The following SLC35F3 variants were observed in gnomAD, a reference collection of about 807,000 sequenced individuals.
The protein encoded by SLC35F3 is putative thiamine transporter SLC35F3.
Under a neutral mutation model 49.9 loss-of-function variants are expected in SLC35F3, and 25 were observed. The ratio of observed to expected loss-of-function variants is 0.50; its 90% CI spans 0.37 to 0.70. The LOEUF (loss-of-function observed/expected upper bound fraction) is 0.70. Ranked by LOEUF, SLC35F3 falls within the 30% of genes least tolerant of loss-of-function variation. The pLI is 0.00. For synonymous variants in SLC35F3, 275 were observed against 265.4 expected, an observed-to-expected ratio of 1.04 and a Z score of -0.35; for missense variants, 525 against 639.8, an observed-to-expected ratio of 0.82 and a Z score of 1.94.
At chr1:234,054,810 C>T (rs1280094139) in intron 2 of SLC35F3, among the ~76,000 whole-genome samples, 1 of 152,164 alleles carries the variant, frequency 6.6e-6, no homozygotes, top group Non-Finnish European at 1.5e-5. Context: ...TGGTGACGTA[C>T]AGATGGGGTT....
chr1:233,930,334 C>T (rs1441746575), intron 2 of SLC35F3, among the ~76,000 whole-genome samples: 1 of 152,162 alleles, frequency 6.6e-6, no homozygotes, highest in African/African-American at 2.4e-5. Context: ...GCCATTGCAA[C>T]ATGAGCTCCC....
intron 3 of SLC35F3, among the ~76,000 whole-genome samples, chr1:234,270,138 TCTCA>T (rs1280105685): frequency 2.0e-5 from 3 of 152,214 alleles, no homozygotes; most frequent in South Asian, 2.1e-4. Context: ...GATTAAAAAT[TCTCA>T]CTAATACATG....
At chr1:234,191,373 G>A (rs1190655227) in intron 2 of SLC35F3, among the ~76,000 whole-genome samples, 1 of 152,036 alleles carries the variant, frequency 6.6e-6, no homozygotes, top group African/African-American at 2.4e-5. Context: ...AAATCAACAT[G>A]AAAATTTAAA....
chr1:234,062,121 A>T (rs1267262898), intron 2 of SLC35F3, among the ~76,000 whole-genome samples: 1 of 152,148 alleles, frequency 6.6e-6, no homozygotes, highest in African/African-American at 2.4e-5. Flanking sequence ...ACTTCTCCCC[A>T]TCCCTAGGAC....
In SLC35F3 at chr1:234,221,178, C is replaced by T. The variant is rs138193034; in HGVS notation, c.284-10239C>T. Among the ~76,000 whole-genome samples the T allele has an allele frequency of 6.4e-4, 98 of 152,064 alleles. 1 individual carries two copies. Among genetic ancestry groups the T allele is most frequent in the Non-Finnish European group, 1.3e-3 (87 of 67,984 alleles). On this transcript the variant is annotated intron_variant, in intron 2 of 7. Transcript: ENST00000366618. Reference sequence around the variant, plus strand: ...ACAGTTTTAAGCGGGTGCTGGTCTGCCAGCCAGATTGCAAGGGTGGGTGGG... The same window carrying T: ...ACAGTTTTAAGCGGGTGCTGGTCTGTCAGCCAGATTGCAAGGGTGGGTGGG...
At chr1:233,942,183 G>A (rs945733472) in intron 2 of SLC35F3, among the ~76,000 whole-genome samples, 13 of 151,710 alleles carry the variant, frequency 8.6e-5, no homozygotes, top group Non-Finnish European at 1.3e-4. Context: ...GGCTGGTCTC[G>A]AACTCCTGAC....
At position 233,905,009 on chromosome 1, in the gene SLC35F3, C is replaced by T. The variant is rs1028540658; in HGVS notation, c.-69C>T. 294 of 1,504,614 alleles carry T rather than the reference C, an allele frequency of 2.0e-4. No homozygotes were observed. Among genetic ancestry groups the T allele is most frequent in the Non-Finnish European group, 2.3e-4 (260 of 1,109,002 alleles). The allele number at this position is 1,504,614 out of a possible 1,614,324, so 93.2% of individuals were successfully genotyped here. On this transcript the variant is annotated 5_prime_UTR_variant, in exon 1 of 8. Transcript: ENST00000366618. ...TCCAGTCTTCCCAGGCTAGCGGCTG[C>T]AGGGAGCTCCGGCCCGCGGCCCCTC...
At chr1:233,931,847 T>C (rs1176956505) in intron 2 of SLC35F3, among the ~76,000 whole-genome samples, 1 of 152,210 alleles carries the variant, frequency 6.6e-6, no homozygotes, top group Non-Finnish European at 1.5e-5. Context: ...TGTACACGTA[T>C]GTTTATTGCA....
chr1:234,228,723 T>A (rs562884597), intron 2 of SLC35F3, among the ~76,000 whole-genome samples: 1 of 152,192 alleles, frequency 6.6e-6, no homozygotes, highest in Non-Finnish European at 1.5e-5. Flanking sequence ...ACGGTTCTGC[T>A]GAGAGGGGTG....
intron 2 of SLC35F3, among the ~76,000 whole-genome samples, chr1:234,007,003 T>C (rs1260232742): frequency 6.6e-6 from 1 of 152,150 alleles, no homozygotes; most frequent in Non-Finnish European, 1.5e-5. Context: ...TTTTTTGTTC[T>C]TTGTCACAAC....
intron 2 of SLC35F3, among the ~76,000 whole-genome samples, chr1:234,000,616 G>A (rs1663536482): frequency 6.6e-6 from 1 of 152,182 alleles, no homozygotes; most frequent in African/African-American, 2.4e-5. Flanking sequence ...ATTGTTGAGT[G>A]CCCCTCTGTG....
chr1:234,147,451 A>C (rs73108413), intron 2 of SLC35F3, among the ~76,000 whole-genome samples: 13,614 of 151,944 alleles, frequency 0.09, 1,987 homozygotes, highest in African/African-American at 0.31. Flanking sequence ...TTTTAAGTAG[A>C]GTTATACTTA....
chr1:234,098,986 G>A (rs1665174172), intron 2 of SLC35F3, among the ~76,000 whole-genome samples: 1 of 152,032 alleles, frequency 6.6e-6, no homozygotes, highest in East Asian at 1.9e-4. Flanking sequence ...CTGTGTTGCT[G>A]GTGGTGATAG....
At chr1:234,247,830 G>GGTGCATTGTTTGATGGGTCAGTTGGCTA (rs1667662940) in intron 3 of SLC35F3, among the ~76,000 whole-genome samples, 1 of 152,040 alleles carries the variant, frequency 6.6e-6, no homozygotes, top group Non-Finnish European at 1.5e-5. Context: ...TCAGTTGGCT[G>GGTGCATTGTTTGATGGGTCAGTTGGCTA]GTGCATTGTT....
At chr1:234,211,989 C>G (rs975244447) in intron 2 of SLC35F3, among the ~76,000 whole-genome samples, 2 of 152,134 alleles carry the variant, frequency 1.3e-5, no homozygotes, top group Non-Finnish European at 2.9e-5. Context: ...TCCCATGCTG[C>G]TCTCATGATA....
At chr1:234,090,635 C>T (rs1041234209) in intron 2 of SLC35F3, among the ~76,000 whole-genome samples, 1 of 152,156 alleles carries the variant, frequency 6.6e-6, no homozygotes, top group Non-Finnish European at 1.5e-5. Flanking sequence ...TCTTAAGACC[C>T]ATGGTCAGAA....
In SLC35F3 at chr1:234,214,612, C is replaced by A; in HGVS notation, c.284-16805C>A. On this transcript the variant is annotated intron_variant, in intron 2 of 7. Coordinates refer to ENST00000366618, the MANE Select transcript of SLC35F3 (RefSeq NM_173508.4). The surrounding 1 kb of genome is among the most constrained non-coding windows in gnomAD (Gnocchi z 8.0). ...CGCCTCGCCCCGGGGGTCCCTGCAC[C>A]CTAGCCGGGGAATGCTGCCACCCTG... 3 of 1,511,086 alleles carry A rather than the reference C, an allele frequency of 2.0e-6. No individual in the cohort carries two copies. In the South Asian group the frequency reaches 3.8e-5, roughly 19 times the overall value. The allele number at this position is 1,511,086 out of a possible 1,614,324, so 93.6% of individuals were successfully genotyped here.
intron 3 of SLC35F3, among the ~76,000 whole-genome samples, chr1:234,247,952 T>C (rs1667668003): frequency 6.6e-6 from 1 of 152,282 alleles, no homozygotes; most frequent in Non-Finnish European, 1.5e-5. Flanking sequence ...GGTCCATTGC[T>C]TGGTGGATTG....
At chr1:233,972,676 C>G (rs943708566) in intron 2 of SLC35F3, among the ~76,000 whole-genome samples, 32 of 152,276 alleles carry the variant, frequency 2.1e-4, no homozygotes, top group African/African-American at 7.0e-4. Flanking sequence ...ATTATTACAA[C>G]AGATTCAGAG....
Sources: allele counts gnomAD v4.1 joint callset (sites outside exome capture counted in the v4.1 genomes callset), GRCh38; gene constraint gnomAD v4.1.1; non-coding constraint Gnocchi (gnomAD v3.1); transcripts MANE v1.5; gene names NCBI Gene and HGNC (gene_info 2026-07-23, HGNC 2026-07-21).